ADCY1: variants seen among roughly 807,000 people sequenced by gnomAD.
The protein encoded by ADCY1 is adenylate cyclase type 1.
In ADCY1, 28 loss-of-function variants were observed where a neutral mutation model predicts 105.4. The observed-to-expected ratio is 0.27, with a 90% confidence interval of 0.20 to 0.36. The LOEUF (loss-of-function observed/expected upper bound fraction) is 0.36, where lower values mean the gene tolerates loss of function less well. ADCY1 is among the 10% of genes least tolerant of loss of function. The pLI, the probability that ADCY1 is intolerant of heterozygous loss-of-function variation, is 1.00. For synonymous variants in ADCY1, 655 were observed against 623.8 expected, an observed-to-expected ratio of 1.05 and a Z score of -0.75; for missense variants, 977 against 1,434.2, an observed-to-expected ratio of 0.68 and a Z score of 5.15.
intron 14 of ADCY1, among the ~76,000 whole-genome samples, chr7:45,702,400 G>A (rs932656127): frequency 6.6e-6 from 1 of 152,242 alleles, no homozygotes; most frequent in Non-Finnish European, 1.5e-5. Flanking sequence ...TGAACCAGGG[G>A]AGCTGGCTTC....
At chr7:45,675,492 A>C (rs1784439432) in intron 8 of ADCY1, among the ~76,000 whole-genome samples, 1 of 152,072 alleles carries the variant, frequency 6.6e-6, no homozygotes, top group Non-Finnish European at 1.5e-5. Flanking sequence ...ATGTTCCAAC[A>C]TTCCTTCTTT....
intron 14 of ADCY1, among the ~76,000 whole-genome samples, chr7:45,700,855 G>A (rs1784983332): frequency 1.3e-5 from 2 of 152,094 alleles, no homozygotes; most frequent in African/African-American, 4.8e-5. Flanking sequence ...GTGACTGTGG[G>A]GGTCACTCAT....
intron 4 of ADCY1, among the ~76,000 whole-genome samples, chr7:45,627,134 A>C (rs548223301): frequency 6.6e-6 from 1 of 152,296 alleles, no homozygotes; most frequent in East Asian, 1.9e-4. Flanking sequence ...AGTCTTTGTA[A>C]CATCCTGGCC....
intron 14 of ADCY1, among the ~76,000 whole-genome samples, chr7:45,688,641 TACATC>T (rs929749760): frequency 1.3e-5 from 2 of 152,202 alleles, no homozygotes; most frequent in African/African-American, 4.8e-5. Flanking sequence ...AACATATACA[TACATC>T]ACACACACAC....
intron 19 of ADCY1, among the ~76,000 whole-genome samples, chr7:45,712,028 A>G (rs766179942): frequency 2.5e-5 from 2 of 80,358 alleles, no homozygotes; most frequent in African/African-American, 7.1e-5. Context: ...TATATATTAT[A>G]CTAAATATAT....
chr7:45,593,735 C>T (rs1792992976), intron 2 of ADCY1, among the ~76,000 whole-genome samples: 1 of 152,184 alleles, frequency 6.6e-6, no homozygotes, highest in Non-Finnish European at 1.5e-5. Context: ...TCTTTCTCAA[C>T]GATGTGAATA....
intron 2 of ADCY1, among the ~76,000 whole-genome samples, chr7:45,597,378 G>A (rs1300246848): frequency 2.0e-5 from 3 of 152,166 alleles, no homozygotes; most frequent in Admixed American, 6.5e-5. Context: ...TTCTTGCCCC[G>A]TTTGATAAGT....
intron 4 of ADCY1, among the ~76,000 whole-genome samples, chr7:45,641,919 C>A (rs1266428157): frequency 3.9e-5 from 2 of 51,562 alleles, no homozygotes; most frequent in Non-Finnish European, 8.2e-5. Flanking sequence ...GGCGACAGAG[C>A]GAGACTCCGT....
At position 45,721,682 on chromosome 7, in the gene ADCY1, G is replaced by A. The variant is rs531427273; in HGVS notation, c.*7687G>A. The A allele has an allele frequency of 1.8e-5, 7 of 398,554 alleles. No individual in the cohort carries two copies. The highest frequency in any genetic ancestry group is 1.3e-4 in the South Asian group (1 of 7,850). 24.7% of individuals were successfully genotyped at this position (398,554 alleles called of 1,614,324 possible). ...CTGCTGGTGAGGTAAAGGTGGGTCC[G>A]GGTGCCTTCCCAGGGGTTAGAGGAT... On this transcript the variant is annotated 3_prime_UTR_variant, in exon 20 of 20. Transcript: ENST00000297323.
chr7:45,712,669 C>T (rs776773670), intron 19 of ADCY1, among the ~76,000 whole-genome samples: 1 of 152,044 alleles, frequency 6.6e-6, no homozygotes, highest in Non-Finnish European at 1.5e-5. Flanking sequence ...TTTTAACAAA[C>T]GATGCCAGGG....
intron 1 of ADCY1, among the ~76,000 whole-genome samples, chr7:45,589,863 G>C (rs1393277999): frequency 6.6e-6 from 1 of 152,058 alleles, no homozygotes; most frequent in Admixed American, 6.5e-5. Context: ...TTCCTTTCCA[G>C]GGCCACGGGG....
chr7:45,652,663 G>A (rs907136548), intron 5 of ADCY1, among the ~76,000 whole-genome samples: 4 of 152,204 alleles, frequency 2.6e-5, no homozygotes, highest in African/African-American at 9.7e-5. Flanking sequence ...GGTCATTTGG[G>A]AAGAGTCTAG....
At position 45,614,618 on chromosome 7, in the gene ADCY1, C is replaced by A. The variant is rs561979111; in HGVS notation, c.908+4121C>A. Among the ~76,000 whole-genome samples the A allele has an allele frequency of 2.0e-5, 3 of 152,054 alleles. No individual in the cohort carries two copies. The East Asian group carries it at 5.8e-4, about 29-fold the overall frequency. On this transcript the variant is annotated intron_variant, in intron 3 of 19. Coordinates refer to ENST00000297323, the MANE Select transcript of ADCY1 (RefSeq NM_021116.4). The stretch of plus-strand genomic sequence containing the variant: ...CATGGCTGAGTGGATAAAAACAAAA[C>A]CAAAACCAAGCCTAACTATATGCTG...
At chr7:45,588,869 ATG>A (rs55962124) in intron 1 of ADCY1, among the ~76,000 whole-genome samples, 32,772 of 148,654 alleles carry the variant, frequency 0.22, 4,096 homozygotes, top group Middle Eastern at 0.33. Context: ...CATTGCGTGT[ATG>A]TGTGTGTGTG....
chr7:45,673,621 C>T (rs1784401853), intron 8 of ADCY1, among the ~76,000 whole-genome samples: 1 of 151,804 alleles, frequency 6.6e-6, no homozygotes, highest in Non-Finnish European at 1.5e-5. Flanking sequence ...AGTAAAATTT[C>T]ATTTTATTTC....
At position 45,574,819 on chromosome 7, in the gene ADCY1, G is replaced by A; in HGVS notation, c.276G>A (p.Lys92=). The A allele has an allele frequency of 6.2e-7, 1 of 1,607,600 alleles. No homozygotes were observed. The highest frequency in any genetic ancestry group is 1.1e-5 in the South Asian group (1 of 90,702). Residue 92 remains lysine (K), a synonymous_variant, in exon 1 of 20, where the codon AAG becomes AAA. Coordinates refer to ENST00000297323, the MANE Select transcript of ADCY1 (RefSeq NM_021116.4). The surrounding 1 kb of genome is among the most constrained non-coding windows in gnomAD (Gnocchi z 7.0). Reference sequence around the variant, plus strand: ...CGGGGCCCGCGCCCGGCCTGGCCAAGGGCTCACACCCGGTGCACTGCGTCC... The same window carrying A: ...CGGGGCCCGCGCCCGGCCTGGCCAAAGGCTCACACCCGGTGCACTGCGTCC... The part of the protein sequence containing the change: ...GAPGPAPGLA[K]GSHPVHCVLF...
At chr7:45,585,287 C>T (rs1337009281) in intron 1 of ADCY1, among the ~76,000 whole-genome samples, 1 of 152,212 alleles carries the variant, frequency 6.6e-6, no homozygotes, top group Non-Finnish European at 1.5e-5. Context: ...GTTTAGGAAA[C>T]ATTGGCTTAG....
chr7:45,689,095 C>T (rs192611939), intron 14 of ADCY1, among the ~76,000 whole-genome samples: 29 of 151,054 alleles, frequency 1.9e-4, no homozygotes, highest in African/African-American at 6.1e-4. Context: ...CATGATCTGG[C>T]GCTGTCTTCA....
intron 14 of ADCY1, among the ~76,000 whole-genome samples, chr7:45,702,266 G>A (rs1785013218): frequency 6.6e-6 from 1 of 152,212 alleles, no homozygotes; most frequent in Admixed American, 6.5e-5. Context: ...CTCAGCCCTT[G>A]TTAAGTACAA....
Sources: gnomAD v4.1 joint callset for allele counts (sites outside exome capture counted in the v4.1 genomes callset) on GRCh38, gnomAD v4.1.1 for gene constraint, Gnocchi (gnomAD v3.1) non-coding constraint, MANE v1.5 for transcripts, NCBI Gene and HGNC (gene_info 2026-07-23, HGNC 2026-07-21) for gene names.